The following GPC6 variants were observed in gnomAD, a reference collection of about 807,000 sequenced individuals.
GPC6 encodes the protein glypican 6, also known as glypican-6.
Under a neutral mutation model 55.2 loss-of-function variants are expected in GPC6, and 14 were observed. That is an observed-to-expected ratio of 0.25 (90% CI 0.17 to 0.40). The LOEUF (loss-of-function observed/expected upper bound fraction) is 0.40, where lower values mean the gene tolerates loss of function less well. GPC6 is among the 10% of genes least tolerant of loss of function. GPC6 has a pLI of 1.00. For synonymous variants in GPC6, 278 were observed against 259.6 expected, an observed-to-expected ratio of 1.07 and a Z score of -0.68; for missense variants, 641 against 708.5, an observed-to-expected ratio of 0.90 and a Z score of 1.08.
intron 2 of GPC6, among the ~76,000 whole-genome samples, chr13:93,712,224 A>T (rs1883091776): frequency 6.6e-6 from 1 of 151,772 alleles, no homozygotes; most frequent in Non-Finnish European, 1.5e-5. Context: ...CACCAAGTTG[A>T]CACTAAAAAA....
chr13:93,621,250 C>T (rs1436945316), intron 2 of GPC6, among the ~76,000 whole-genome samples: 1 of 152,102 alleles, frequency 6.6e-6, no homozygotes, highest in African/African-American at 2.4e-5. Flanking sequence ...AATGTGGTGA[C>T]CTGGCGGTGA....
chr13:93,328,989 A>T (rs574348375), intron 1 of GPC6, among the ~76,000 whole-genome samples: 1 of 152,250 alleles, frequency 6.6e-6, no homozygotes, highest in South Asian at 2.1e-4. Flanking sequence ...ATATAGGTCA[A>T]AGACCAGGGT....
intron 4 of GPC6, among the ~76,000 whole-genome samples, chr13:94,083,905 G>A (rs1885193715): frequency 6.6e-6 from 1 of 152,156 alleles, no homozygotes; most frequent in South Asian, 2.1e-4. Context: ...AATAAACAGA[G>A]CACAGGGCTA....
chr13:93,763,828 ATTT>A (rs5805824), intron 2 of GPC6, among the ~76,000 whole-genome samples: 2 of 149,160 alleles, frequency 1.3e-5, no homozygotes, highest in East Asian at 2.0e-4. Context: ...CTTCATCTTT[ATTT>A]TTTTTTTTTA....
chr13:94,340,042 C>T (rs1291559162), intron 6 of GPC6, among the ~76,000 whole-genome samples: 6 of 152,148 alleles, frequency 3.9e-5, no homozygotes, highest in Non-Finnish European at 5.9e-5. Context: ...GGATTACAGG[C>T]TTGAGCCAGC....
chr13:93,382,083 G>T (rs1594132034), intron 1 of GPC6, among the ~76,000 whole-genome samples: 1 of 152,024 alleles, frequency 6.6e-6, no homozygotes, highest in Non-Finnish European at 1.5e-5. Flanking sequence ...TAAAGGAAAA[G>T]ATTTCAACTT....
chr13:94,252,447 G>T (rs1296695171), intron 4 of GPC6, among the ~76,000 whole-genome samples: 1 of 152,058 alleles, frequency 6.6e-6, no homozygotes, highest in African/African-American at 2.4e-5. Flanking sequence ...AATAAAAGGG[G>T]ATTTTTATTA....
intron 6 of GPC6, among the ~76,000 whole-genome samples, chr13:94,378,882 C>T (rs1330480952): frequency 6.6e-6 from 1 of 152,108 alleles, no homozygotes; most frequent in East Asian, 1.9e-4. Context: ...ATCCAGGAAT[C>T]AGAGAAAGGA....
Position 93,405,707 on chromosome 13 carries a change from C to T in GPC6, c.161-139556C>T, listed in dbSNP as rs113796143. On this transcript the variant is annotated intron_variant, in intron 1 of 8. Coordinates refer to ENST00000377047, the MANE Select transcript of GPC6 (RefSeq NM_005708.5). ...TGTCAGACTTAAAGGAGACAATGAC[C>T]AGGGTAAAATGAAACAAAACAGAAC... Among the ~76,000 whole-genome samples the T allele has an allele frequency of 1.6e-3, 240 of 152,042 alleles. 3 individuals carry two copies. Among genetic ancestry groups the T allele is most frequent in the African/African-American group, 5.6e-3 (232 of 41,448 alleles).
At chr13:93,885,091 A>G (rs1875243471) in intron 3 of GPC6, among the ~76,000 whole-genome samples, 1 of 152,052 alleles carries the variant, frequency 6.6e-6, no homozygotes, top group Non-Finnish European at 1.5e-5. Context: ...TGAAGAGTAT[A>G]TACCCTAATG....
chr13:93,315,764 T>G (rs2139115475), intron 1 of GPC6, among the ~76,000 whole-genome samples: 1 of 151,770 alleles, frequency 6.6e-6, no homozygotes, highest in South Asian at 2.1e-4. Flanking sequence ...CTTCAATTTT[T>G]TTTTAACCAT....
At chr13:93,699,917 C>T (rs137942039) in intron 2 of GPC6, among the ~76,000 whole-genome samples, 18 of 151,950 alleles carry the variant, frequency 1.2e-4, no homozygotes, top group African/African-American at 4.1e-4. Flanking sequence ...ATAAGCTGAA[C>T]AAACCTATGA....
chr13:94,372,915 C>G (rs950324228), intron 6 of GPC6, among the ~76,000 whole-genome samples: 38 of 152,302 alleles, frequency 2.5e-4, no homozygotes, highest in Non-Finnish European at 5.3e-4. Flanking sequence ...CCCTGACCCC[C>G]AAGCAGCCTA....
chr13:93,590,985 A>G (rs1877442086), intron 2 of GPC6, among the ~76,000 whole-genome samples: 1 of 152,084 alleles, frequency 6.6e-6, no homozygotes, highest in Non-Finnish European at 1.5e-5. Context: ...TTAAAGTATA[A>G]TAATAAAAAA....
At chr13:94,190,376 C>A (rs73547961) in intron 4 of GPC6, among the ~76,000 whole-genome samples, 16,005 of 152,012 alleles carry the variant, frequency 0.11, 967 homozygotes, top group East Asian at 0.19. Flanking sequence ...ACATTATGAT[C>A]ATCTCATATG....
intron 3 of GPC6, among the ~76,000 whole-genome samples, chr13:93,948,583 C>A (rs574966341): frequency 1.3e-5 from 2 of 152,252 alleles, no homozygotes; most frequent in African/African-American, 4.8e-5. Flanking sequence ...TGTTTTATAG[C>A]AGAAATATGA....
chr13:93,707,288 C>G (rs1220804341), intron 2 of GPC6, among the ~76,000 whole-genome samples: 1 of 151,584 alleles, frequency 6.6e-6, no homozygotes, highest in Non-Finnish European at 1.5e-5. Flanking sequence ...CTAATGGGTA[C>G]TAGGCTTAAT....
chr13:93,648,047 G>A (rs1880251154), intron 2 of GPC6, among the ~76,000 whole-genome samples: 1 of 152,056 alleles, frequency 6.6e-6, no homozygotes. Context: ...AATGGTTCAG[G>A]GATGGCATTA....
chr13:93,952,864 G>GTA (rs888391100), intron 3 of GPC6, among the ~76,000 whole-genome samples: 7 of 106,982 alleles, frequency 6.5e-5, no homozygotes, highest in South Asian at 5.3e-4. Context: ...GTATATATAT[G>GTA]TATATATATA....
Sources: allele counts gnomAD v4.1 joint callset (sites outside exome capture counted in the v4.1 genomes callset), GRCh38; gene constraint gnomAD v4.1.1; transcripts MANE v1.5; gene names NCBI Gene and HGNC (gene_info 2026-07-23, HGNC 2026-07-21).